The following GALNTL6 variants were observed in gnomAD, a reference collection of about 807,000 sequenced individuals.
The protein encoded by GALNTL6 is polypeptide N-acetylgalactosaminyltransferase like 6.
In GALNTL6, 46 loss-of-function variants were observed where a neutral mutation model predicts 73.7. The ratio of observed to expected loss-of-function variants is 0.62; its 90% CI spans 0.49 to 0.80. GALNTL6 has a LOEUF of 0.80. GALNTL6 is among the 30% of genes least tolerant of loss of function. The pLI is 0.00. For synonymous variants in GALNTL6, 259 were observed against 263.7 expected (o/e 0.98, Z 0.17); for missense variants, 604 against 755.0 (o/e 0.80, Z 2.34).
intron 11 of GALNTL6, among the ~76,000 whole-genome samples, chr4:173,017,580 G>C (rs1392127792): frequency 2.6e-5 from 4 of 152,132 alleles, no homozygotes; most frequent in Non-Finnish European, 2.9e-5. Context: ...AAAGACCTAA[G>C]AGAGAAAAAA....
chr4:172,845,373 T>C (rs920603200), intron 7 of GALNTL6, among the ~76,000 whole-genome samples: 7 of 152,142 alleles, frequency 4.6e-5, no homozygotes, highest in African/African-American at 1.7e-4. Context: ...ACACAGCATT[T>C]TGTGCACTAC....
intron 5 of GALNTL6, among the ~76,000 whole-genome samples, chr4:172,496,709 G>C (rs1269076820): frequency 6.6e-6 from 1 of 152,026 alleles, no homozygotes; most frequent in Admixed American, 6.6e-5. Context: ...GTTGTACTTA[G>C]TGATACAGAA....
At chr4:171,850,675 T>C (rs1735500850) in intron 2 of GALNTL6, among the ~76,000 whole-genome samples, 1 of 152,154 alleles carries the variant, frequency 6.6e-6, no homozygotes, top group Non-Finnish European at 1.5e-5. Flanking sequence ...AGTCTTATGA[T>C]CTCTGTTTTA....
intron 2 of GALNTL6, among the ~76,000 whole-genome samples, chr4:171,853,556 T>C (rs1226724403): frequency 6.6e-6 from 1 of 151,022 alleles, no homozygotes; most frequent in Non-Finnish European, 1.5e-5. Flanking sequence ...TCCCTTTATT[T>C]TTCCCAAGCT....
intron 12 of GALNTL6, among the ~76,000 whole-genome samples, chr4:173,037,334 C>G (rs958453962): frequency 9.9e-5 from 15 of 152,192 alleles, no homozygotes; most frequent in African/African-American, 3.6e-4. Flanking sequence ...TAATCCCCCC[C>G]ACCTCATTTT....
intron 5 of GALNTL6, among the ~76,000 whole-genome samples, chr4:172,672,338 G>A (rs564921409): frequency 2.6e-5 from 4 of 152,180 alleles, no homozygotes; most frequent in East Asian, 3.8e-4. Context: ...CTGAACCAAC[G>A]TTGCATCCAG....
intron 5 of GALNTL6, among the ~76,000 whole-genome samples, chr4:172,718,253 A>G (rs772245166): frequency 1.3e-5 from 2 of 152,234 alleles, no homozygotes; most frequent in African/African-American, 2.4e-5. Flanking sequence ...TGTGCTAAAT[A>G]TACATTTCCT....
At chr4:171,920,028 C>T (rs1272665237) in intron 2 of GALNTL6, among the ~76,000 whole-genome samples, 1 of 152,094 alleles carries the variant, frequency 6.6e-6, no homozygotes, top group Non-Finnish European at 1.5e-5. Context: ...CAATGATAGA[C>T]TGGATTAAGA....
intron 5 of GALNTL6, among the ~76,000 whole-genome samples, chr4:172,419,568 C>CT (rs1481670699): frequency 6.6e-6 from 1 of 152,136 alleles, no homozygotes; most frequent in African/African-American, 2.4e-5. Flanking sequence ...CAAACTTAAG[C>CT]TACTGCCCAT....
chr4:172,393,400 A>G (rs1234148668), intron 5 of GALNTL6, among the ~76,000 whole-genome samples: 2 of 152,170 alleles, frequency 1.3e-5, no homozygotes, highest in Non-Finnish European at 2.9e-5. Flanking sequence ...CAGCTCTAGC[A>G]TAACTACCCT....
At chr4:172,560,338 GAA>G (rs34246878) in intron 5 of GALNTL6, among the ~76,000 whole-genome samples, 171 of 150,568 alleles carry the variant, frequency 1.1e-3, no homozygotes, top group African/African-American at 3.9e-3. Flanking sequence ...AAAAAAAAAA[GAA>G]AAAAAAAATT....
chr4:172,087,821 T>A (rs574129543), intron 2 of GALNTL6, among the ~76,000 whole-genome samples: 1 of 152,028 alleles, frequency 6.6e-6, no homozygotes, highest in Non-Finnish European at 1.5e-5. Context: ...TACATCTTTT[T>A]TATATATATT....
intron 11 of GALNTL6, among the ~76,000 whole-genome samples, chr4:173,013,165 G>A (rs1184233351): frequency 6.6e-6 from 1 of 152,198 alleles, no homozygotes. Context: ...GAGGAATGGT[G>A]TTGGACTGTT....
At chr4:172,340,792 C>T (rs1402865599) in intron 4 of GALNTL6, among the ~76,000 whole-genome samples, 1 of 152,160 alleles carries the variant, frequency 6.6e-6, no homozygotes, top group Non-Finnish European at 1.5e-5. Context: ...TTAGTTTTTA[C>T]CCTATATGAA....
At chr4:172,880,376 G>C (rs1244899841) in intron 7 of GALNTL6, among the ~76,000 whole-genome samples, 1 of 151,990 alleles carries the variant, frequency 6.6e-6, no homozygotes, top group Non-Finnish European at 1.5e-5. Context: ...TCTCAAAATA[G>C]TTATATTGAA....
intron 12 of GALNTL6, among the ~76,000 whole-genome samples, chr4:173,024,939 A>G (rs1276549953): frequency 1.3e-5 from 2 of 152,156 alleles, no homozygotes; most frequent in Admixed American, 1.3e-4. Context: ...ATTTCCTAGG[A>G]GAGTTCCCCA....
chr4:172,028,299 T>C (rs922403785), intron 2 of GALNTL6, among the ~76,000 whole-genome samples: 2 of 137,634 alleles, frequency 1.5e-5, no homozygotes, highest in Non-Finnish European at 3.3e-5. Context: ...AAAAAAAGTA[T>C]AAAAACTTCA....
intron 5 of GALNTL6, among the ~76,000 whole-genome samples, chr4:172,613,471 G>A (rs767685549): frequency 8.6e-5 from 13 of 151,902 alleles, no homozygotes; most frequent in Non-Finnish European, 1.5e-4. Flanking sequence ...ATAAAGCCTT[G>A]AAAACCATAG....
chr4:172,789,803 C>T (rs1291047080), intron 5 of GALNTL6, among the ~76,000 whole-genome samples: 2 of 152,204 alleles, frequency 1.3e-5, no homozygotes, highest in African/African-American at 2.4e-5. Context: ...TAGAGTCCTG[C>T]CTTGGGGCAG....
Sources: allele counts gnomAD v4.1 joint callset (sites outside exome capture counted in the v4.1 genomes callset), GRCh38; gene constraint gnomAD v4.1.1; transcripts MANE v1.5; gene names NCBI Gene and HGNC (gene_info 2026-07-23, HGNC 2026-07-21).